Variants in ZER1 observed in about 807,000 individuals in gnomAD.
The protein encoded by ZER1 is protein zer-1 homolog.
ZER1 carries 11 observed loss-of-function variants against 78.8 expected under a neutral mutation model. That is an observed-to-expected ratio of 0.14 (90% CI 0.09 to 0.23). The LOEUF (loss-of-function observed/expected upper bound fraction) is 0.23, where lower values mean the gene tolerates loss of function less well. ZER1 is among the 10% of genes least tolerant of loss of function. The pLI is 1.00. For synonymous variants in ZER1, 400 were observed against 407.0 expected, an observed-to-expected ratio of 0.98 and a Z score of 0.21; for missense variants, 588 against 996.9, an observed-to-expected ratio of 0.59 and a Z score of 5.52.
intron 13 of ZER1, among the ~76,000 whole-genome samples, chr9:128,736,151 C>T (rs1198847473): frequency 1.3e-5 from 2 of 151,866 alleles, no homozygotes; most frequent in African/African-American, 4.8e-5. Flanking sequence ...GGGGTTTCAC[C>T]GTGTTAGCCA....
Position 128,755,286 on chromosome 9 carries a change from C to A in ZER1, c.158+122G>T. On this transcript the variant is annotated intron_variant, in intron 2 of 15. Transcript: ENST00000291900. The surrounding 1 kb of genome is among the most constrained non-coding windows in gnomAD (Gnocchi z 5.6). ...GCAGCCATGAACATCCATGTGCACA[C>A]ACACACACCCTCACACATTCATCTC... The A allele has an allele frequency of 7.2e-7, 1 of 1,390,800 alleles. No individual in the cohort carries two copies. Among genetic ancestry groups the A allele is most frequent in the East Asian group, 2.3e-5 (1 of 43,302 alleles). 86.2% of individuals were successfully genotyped at this position (1,390,800 alleles called of 1,614,324 possible). A position where few individuals can be genotyped will look rare whatever the true frequency, so the allele number is the denominator to read the frequency against.
rs1253887044 is a variant in ZER1, at chr9:128,751,124, T to G, written c.1183A>C (p.Lys395Gln). ...ERCNQLLRAL[K>Q]LVITALKCHK... Reference sequence around the variant, plus strand: ...AAGGCCCCAGGCTTGGAGCTGACCTTCAGGGCCCGCAGCAGCTGGTTGCAA... The same window carrying G: ...AAGGCCCCAGGCTTGGAGCTGACCTGCAGGGCCCGCAGCAGCTGGTTGCAA... The change falls in exon 7 of 16, where the codon AAG (lysine) becomes CAG (glutamine). Residue 395 changes from lysine to glutamine, a missense_variant and splice_region_variant. Lys to Gln is a moderately conservative substitution (Grantham distance 53). This residue lies in a region of ZER1 where 406 missense variants were observed against 660.1 expected (regional missense o/e 0.62). Transcript: ENST00000291900. The surrounding 1 kb of genome is among the most constrained non-coding windows in gnomAD (Gnocchi z 5.4). The G allele has an allele frequency of 1.3e-6, 2 of 1,590,500 alleles. No individual in the cohort carries two copies. Among genetic ancestry groups the G allele is most frequent in the Non-Finnish European group, 1.7e-6 (2 of 1,164,758 alleles).
chr9:128,749,535 G>C (rs2132437727), intron 8 of ZER1, among the ~76,000 whole-genome samples: 1 of 152,282 alleles, frequency 6.6e-6, no homozygotes, highest in East Asian at 1.9e-4. Flanking sequence ...AGCACTTTGG[G>C]AGGCTGAGGC....
At chr9:128,769,534 C>T (rs777510616) in intron 1 of ZER1, among the ~76,000 whole-genome samples, 1 of 152,154 alleles carries the variant, frequency 6.6e-6, no homozygotes, top group Non-Finnish European at 1.5e-5. Context: ...CTGCCTCAGC[C>T]TCTCCAGTAG....
In ZER1 at chr9:128,751,361, TTC is replaced by T. The variant is rs1863672540; in HGVS notation, c.1038+50_1038+51del. The T allele has an allele frequency of 6.2e-7, 1 of 1,612,212 alleles. No homozygotes were observed. ...GTCTCCAGCCCCAGAATCCAGCTCCTTCTCTCTCCCAAGGCTCCCTGGCCCAG... is the reference window on the plus strand; with the variant it reads ...GTCTCCAGCCCCAGAATCCAGCTCCTTCTCTCCCAAGGCTCCCTGGCCCAG... On this transcript the variant is annotated intron_variant, in intron 6 of 15. Transcript: ENST00000291900. This position sits in a 1 kb window ranked among gnomAD's most constrained non-coding sequence, Gnocchi z 5.4.
At chr9:128,761,603 G>GTTTTTTTT (rs1180495331) in intron 1 of ZER1, among the ~76,000 whole-genome samples, 2 of 107,370 alleles carry the variant, frequency 1.9e-5, no homozygotes, top group Admixed American at 9.8e-5. Flanking sequence ...CCCATAATTT[G>GTTTTTTTT]TTTTTTTTTT....
In ZER1 at chr9:128,754,048, C is replaced by T; in HGVS notation, c.159-89G>A. The T allele has an allele frequency of 1.3e-6, 2 of 1,482,704 alleles. No individual in the cohort carries two copies. Among genetic ancestry groups the T allele is most frequent in the Non-Finnish European group, 1.8e-6 (2 of 1,102,256 alleles). 91.8% of individuals were successfully genotyped at this position (1,482,704 alleles called of 1,614,324 possible). A position where few individuals can be genotyped will look rare whatever the true frequency, so the allele number is the denominator to read the frequency against. On this transcript the variant is annotated intron_variant, in intron 2 of 15. Coordinates refer to ENST00000291900, the MANE Select transcript of ZER1 (RefSeq NM_006336.4). This position sits in a 1 kb window ranked among gnomAD's most constrained non-coding sequence, Gnocchi z 4.3. ...CAAGCCCTCCTCCCCCTGAAGCTTT[C>T]TTGGATCACCCCAAGTAGCAACCTC...
At position 128,731,362 on chromosome 9, in the gene ZER1, T is replaced by A; in HGVS notation, c.2276A>T (p.Glu759Val). ...KVIEHCSNFK[E>V]ENMDTSR Reference sequence around the variant, plus strand: ...CTATCTAGACGTGTCCATGTTCTCCTCTTTAAAGTTACTGCAGTGCTCAAT... The same window carrying A: ...CTATCTAGACGTGTCCATGTTCTCCACTTTAAAGTTACTGCAGTGCTCAAT... The change falls in exon 16 of 16, where the codon GAG (glutamate) becomes GTG (valine). Residue 759 changes from glutamate (E) to valine (V), a missense_variant. Transcript: ENST00000291900. The A allele has an allele frequency of 1.2e-6, 2 of 1,607,476 alleles. No individual in the cohort carries two copies. The highest frequency in any genetic ancestry group is 1.3e-5 in the African/African-American group (1 of 74,282).
intron 13 of ZER1, among the ~76,000 whole-genome samples, chr9:128,737,416 G>T (rs1276060352): frequency 1.3e-5 from 2 of 152,150 alleles, no homozygotes; most frequent in African/African-American, 4.8e-5. Context: ...TATAGTACTT[G>T]GCACACTGGC....
intron 1 of ZER1, among the ~76,000 whole-genome samples, chr9:128,767,221 G>C (rs1440686112): frequency 6.6e-6 from 1 of 151,746 alleles, no homozygotes. Context: ...GGGATTACAG[G>C]TGTGAGCCAC....
At chr9:128,765,212 T>TAC (rs60923356) in intron 1 of ZER1, among the ~76,000 whole-genome samples, 14,804 of 149,684 alleles carry the variant, frequency 0.099, 822 homozygotes, top group Non-Finnish European at 0.13. Context: ...CATGCACATG[T>TAC]ACACACACAC....
At chr9:128,739,784 C>A in intron 13 of ZER1, 147 bp downstream of exon 13, 1 of 953,100 alleles carries the variant, frequency 1.0e-6, no homozygotes, top group Non-Finnish European at 1.6e-6. Context: ...GTGCTGTGTG[C>A]GGCTACGTAT....
chr9:128,757,305 G>T (rs1863888747), intron 1 of ZER1, among the ~76,000 whole-genome samples: 1 of 152,060 alleles, frequency 6.6e-6, no homozygotes, highest in African/African-American at 2.4e-5. Flanking sequence ...AATTGCTTGA[G>T]CCCAGGAGTT....
chr9:128,760,187 T>A (rs988472847), intron 1 of ZER1, among the ~76,000 whole-genome samples: 30 of 152,040 alleles, frequency 2.0e-4, no homozygotes, highest in African/African-American at 7.2e-4. Context: ...GTCTCTCATG[T>A]ATGTTATACT....
rs938501614 is a variant in ZER1 at position 128,735,383 on chromosome 9, G to T, written c.2091C>A (p.Val697=). ...LRLLPQGISP[V]SQHWATWALY... Reference sequence around the variant, plus strand: ...GGGCCCAGGTTGCCCAGTGCTGGCTGACAGGAGAGATTCCCTGGGGAAGGA... The same window carrying T: ...GGGCCCAGGTTGCCCAGTGCTGGCTTACAGGAGAGATTCCCTGGGGAAGGA... The change falls in exon 14 of 16, where the codon GTC becomes GTA. Residue 697 remains valine, a synonymous_variant. Transcript: ENST00000291900. The T allele has an allele frequency of 1.4e-5, 22 of 1,614,178 alleles. No homozygotes were observed. Among genetic ancestry groups the T allele is most frequent in the Non-Finnish European group, 1.8e-5 (21 of 1,180,026 alleles).
intron 8 of ZER1, among the ~76,000 whole-genome samples, chr9:128,750,012 C>T (rs1863623277): frequency 6.6e-6 from 1 of 152,182 alleles, no homozygotes; most frequent in South Asian, 2.1e-4. Flanking sequence ...CATTGCACTC[C>T]AGCCTGGGCA....
At chr9:128,764,463 C>A (rs2132483939) in intron 1 of ZER1, among the ~76,000 whole-genome samples, 1 of 152,290 alleles carries the variant, frequency 6.6e-6, no homozygotes, top group African/African-American at 2.4e-5. Context: ...CCTTACCATG[C>A]TCCCCAAGTG....
chr9:128,747,855 G>A (rs887418134), intron 8 of ZER1, among the ~76,000 whole-genome samples: 3 of 152,202 alleles, frequency 2.0e-5, no homozygotes, highest in African/African-American at 4.8e-5. Context: ...CTGATCTTAA[G>A]TGATCTGCCT....
At chr9:128,752,403 C>A (rs10435904) in intron 5 of ZER1, among the ~76,000 whole-genome samples, 136,487 of 151,922 alleles carry the variant, frequency 0.9, 62,967 homozygotes, top group Non-Finnish European at 1. Flanking sequence ...CAGCTCACTG[C>A]AGGCTCCGCC....
Sources: allele counts gnomAD v4.1 joint callset (sites outside exome capture counted in the v4.1 genomes callset), GRCh38; gene constraint gnomAD v4.1.1; regional missense constraint gnomAD v4.1.1; non-coding constraint Gnocchi (gnomAD v3.1); transcripts MANE v1.5; gene names NCBI Gene and HGNC (gene_info 2026-07-23, HGNC 2026-07-21).